The following CHIC2 variants were observed in gnomAD, a reference collection of about 807,000 sequenced individuals.
CHIC2 encodes the protein cysteine rich hydrophobic domain 2.
Under a neutral mutation model 25.9 loss-of-function variants are expected in CHIC2, and 14 were observed. The observed-to-expected ratio is 0.54, with a 90% CI of 0.36 to 0.85. The LOEUF (loss-of-function observed/expected upper bound fraction) is 0.85, where lower values mean the gene tolerates loss of function less well. Among genes scored for constraint, CHIC2 ranks in the 40% least tolerant of loss-of-function variants. The probability of loss-of-function intolerance (pLI) is 0.01; values close to 1 mark genes in which losing one functional copy is unlikely to be tolerated. For synonymous variants in CHIC2, 70 were observed against 72.0 expected, an observed-to-expected ratio of 0.97 and a Z score of 0.14; for missense variants, 146 against 202.0, an observed-to-expected ratio of 0.72 and a Z score of 1.68.
chr4:54,065,480 G>T (rs748373088), upstream of CHIC2, among the ~76,000 whole-genome samples: 3 of 152,080 alleles, frequency 2.0e-5, no homozygotes, highest in Non-Finnish European at 2.9e-5. Flanking sequence ...GAGGCAGGAA[G>T]GAAGAAAGGA....
intron 3 of CHIC2, among the ~76,000 whole-genome samples, chr4:54,020,557 T>C (rs1179954547): frequency 6.6e-6 from 1 of 152,070 alleles, no homozygotes. Flanking sequence ...GGAAGACCAG[T>C]CCCCTGTCCT....
At chr4:54,019,808 C>G (rs1715843791) in intron 3 of CHIC2, among the ~76,000 whole-genome samples, 1 of 151,988 alleles carries the variant, frequency 6.6e-6, no homozygotes. Context: ...TTTCAATAAT[C>G]TAGTCAAATA....
chr4:54,090,445 A>G, the CHIC2 span, among the ~76,000 whole-genome samples: 1 of 152,288 alleles, frequency 6.6e-6, no homozygotes, highest in Admixed American at 6.5e-5. Context: ...TCGGCCTGCC[A>G]AAGTGCTAGG....
chr4:54,030,925 G>A (rs61325241), intron 3 of CHIC2, among the ~76,000 whole-genome samples: 87 of 150,360 alleles, frequency 5.8e-4, no homozygotes, highest in African/African-American at 2.1e-3. Flanking sequence ...CTAGGCTGGA[G>A]TGCAGTGGCG....
intron 3 of CHIC2, among the ~76,000 whole-genome samples, chr4:54,039,550 C>A (rs1716500405): frequency 6.6e-6 from 1 of 152,180 alleles, no homozygotes; most frequent in Non-Finnish European, 1.5e-5. Context: ...ACTATAATTT[C>A]TATAACTAAC....
At chr4:54,031,324 A>G (rs1243047638) in intron 3 of CHIC2, among the ~76,000 whole-genome samples, 1 of 152,086 alleles carries the variant, frequency 6.6e-6, no homozygotes, top group Non-Finnish European at 1.5e-5. Flanking sequence ...AAAAGGCAAG[A>G]TGCTTCTATT....
intron 3 of CHIC2, among the ~76,000 whole-genome samples, chr4:54,020,716 C>T (rs1037934459): frequency 1.3e-5 from 2 of 152,198 alleles, no homozygotes; most frequent in African/African-American, 4.8e-5. Context: ...CCTGCCCTTC[C>T]AATTCCAGTT....
At chr4:54,084,414 C>T in the CHIC2 span, among the ~76,000 whole-genome samples, 1 of 151,778 alleles carries the variant, frequency 6.6e-6, no homozygotes, top group African/African-American at 2.4e-5. Flanking sequence ...CATTCTTTGG[C>T]CAATTTAAAT....
intron 1 of CHIC2, among the ~76,000 whole-genome samples, chr4:54,050,301 T>C (rs377618339): frequency 6.6e-6 from 1 of 152,144 alleles, no homozygotes; most frequent in African/African-American, 2.4e-5. Flanking sequence ...TAAATCTAAA[T>C]GGAATCTTGA....
the CHIC2 span, among the ~76,000 whole-genome samples, chr4:54,090,852 C>A: frequency 6.6e-6 from 1 of 152,020 alleles, no homozygotes; most frequent in African/African-American, 2.4e-5. Flanking sequence ...TTATTACGAT[C>A]AGTGTTTGTC....
chr4:54,074,764 TCTCAAC>T, the CHIC2 span, among the ~76,000 whole-genome samples: 2 of 152,196 alleles, frequency 1.3e-5, no homozygotes, highest in Non-Finnish European at 2.9e-5. Flanking sequence ...GGCTAGTATA[TCTCAAC>T]CTCTTCTTAA....
At chr4:54,067,206 A>G (rs1717535205), upstream of CHIC2, among the ~76,000 whole-genome samples, 1 of 152,148 alleles carries the variant, frequency 6.6e-6, no homozygotes, top group African/African-American at 2.4e-5. Context: ...TATTCAACAG[A>G]GAGATCTTTG....
At chr4:54,074,297 G>C in the CHIC2 span, among the ~76,000 whole-genome samples, 1 of 152,086 alleles carries the variant, frequency 6.6e-6, no homozygotes, top group East Asian at 1.9e-4. Context: ...TAAGACACTG[G>C]TTTTCACTTT....
the CHIC2 span, among the ~76,000 whole-genome samples, chr4:54,081,160 C>A: frequency 1.3e-5 from 2 of 151,360 alleles, no homozygotes; most frequent in African/African-American, 4.9e-5. Flanking sequence ...TTATTTGTTT[C>A]TTTTCTTTTT....
At chr4:54,010,566 A>G (rs1249336915) in intron 5 of CHIC2, among the ~76,000 whole-genome samples, 1 of 152,094 alleles carries the variant, frequency 6.6e-6, no homozygotes, top group African/African-American at 2.4e-5. Context: ...AAACCCAACA[A>G]CTTTTCTATG....
the CHIC2 span, among the ~76,000 whole-genome samples, chr4:54,071,990 A>G: frequency 6.6e-6 from 1 of 151,172 alleles, no homozygotes; most frequent in Non-Finnish European, 1.5e-5. Flanking sequence ...AATAATAATA[A>G]TACCTATAAA....
chr4:54,018,159 T>C (rs1715797119), intron 3 of CHIC2, among the ~76,000 whole-genome samples: 1 of 152,124 alleles, frequency 6.6e-6, no homozygotes, highest in Non-Finnish European at 1.5e-5. Context: ...ATGGCTAATA[T>C]GGTAATGATT....
At position 54,040,109 on chromosome 4, in the gene CHIC2, CTG is replaced by C. The variant is rs1272569310; in HGVS notation, c.330+8844_330+8845del. 2.0e-5 allele frequency among the ~76,000 whole-genome samples: 3 copies of C among 152,266 alleles called. No individual in the cohort carries two copies. In the South Asian group the frequency reaches 6.2e-4, roughly 32 times the overall value. ...GCACAAGTAAGTTTTTTATGGAAAA[CTG>C]TTATGTATCTTGATTCTGGTGGTGG... On this transcript the variant is annotated intron_variant, in intron 3 of 5. Transcript: ENST00000263921.
chr4:54,087,012 G>A, the CHIC2 span: 4 of 1,049,164 alleles, frequency 3.8e-6, no homozygotes, highest in Non-Finnish European at 5.9e-6. Flanking sequence ...GAAGCAACAT[G>A]CAGAGATGAG....
Sources: gnomAD v4.1 joint callset for allele counts (sites outside exome capture counted in the v4.1 genomes callset) on GRCh38, gnomAD v4.1.1 for gene constraint, MANE v1.5 for transcripts, NCBI Gene and HGNC (gene_info 2026-07-23, HGNC 2026-07-21) for gene names.